PHLDB2: variants seen among roughly 807,000 people sequenced by gnomAD.
PHLDB2 encodes pleckstrin homology-like domain family B member 2.
In PHLDB2, 71 loss-of-function variants were observed where a neutral mutation model predicts 123.6. That is an observed-to-expected ratio of 0.57 (90% CI 0.47 to 0.70). The LOEUF is 0.70. Ranked by LOEUF, PHLDB2 falls within the 30% of genes least tolerant of loss-of-function variation. The pLI is 0.00. For missense variants in PHLDB2, 1,446 were observed against 1,519.5 expected (o/e 0.95, Z 0.80); for synonymous variants, 547 against 541.6 (o/e 1.01, Z -0.14).
In PHLDB2 at chr3:111,932,443, T is replaced by C. The variant is rs73230451; in HGVS notation, c.2130+46T>C. ...CACCAGTTATTTTGCTTTTCGTTTT[T>C]GTTTTTCACTTAAGTGCCACTTACC... On this transcript the variant is annotated intron_variant, in intron 6 of 17. Transcript: ENST00000431670. The C allele has an allele frequency of 3.5e-3, 5,288 of 1,521,238 alleles. 7 individuals are homozygous for C. The highest frequency in any genetic ancestry group is 4.5e-3 in the Non-Finnish European group (5,035 of 1,129,326). 94.2% of individuals were successfully genotyped at this position (1,521,238 alleles called of 1,614,324 possible).
At chr3:111,930,831 G>GTTAGA (rs1365386521) in intron 5 of PHLDB2, among the ~76,000 whole-genome samples, 7 of 152,304 alleles carry the variant, frequency 4.6e-5, no homozygotes, top group African/African-American at 1.7e-4. Flanking sequence ...ACAGAACCAT[G>GTTAGA]TTAGATTGGT....
At chr3:111,759,993 T>C (rs940702647) in intron 1 of PHLDB2, among the ~76,000 whole-genome samples, 25 of 152,386 alleles carry the variant, frequency 1.6e-4, no homozygotes, top group African/African-American at 5.0e-4. Context: ...GTGAAGTTTC[T>C]GTGTCTTCAT....
chr3:111,735,926 TACTC>T (rs1042511332), intron 1 of PHLDB2, among the ~76,000 whole-genome samples: 1 of 152,174 alleles, frequency 6.6e-6, no homozygotes, highest in African/African-American at 2.4e-5. Context: ...CTGGGAAACA[TACTC>T]ACCCAACAGT....
At chr3:111,798,793 T>G (rs184978127) in intron 1 of PHLDB2, among the ~76,000 whole-genome samples, 200 of 152,298 alleles carry the variant, frequency 1.3e-3, no homozygotes, top group African/African-American at 4.4e-3. Flanking sequence ...AAATATATGC[T>G]GAATTTCTAC....
At chr3:111,752,232 G>GTA (rs1309091825) in intron 1 of PHLDB2, among the ~76,000 whole-genome samples, 4 of 143,250 alleles carry the variant, frequency 2.8e-5, no homozygotes, top group Admixed American at 1.4e-4. Flanking sequence ...GTGTGTGTGT[G>GTA]TGTGTGTGTC....
At chr3:111,926,847 A>G (rs182534763) in intron 5 of PHLDB2, among the ~76,000 whole-genome samples, 18 of 152,320 alleles carry the variant, frequency 1.2e-4, no homozygotes, top group Non-Finnish European at 2.4e-4. Flanking sequence ...AGAAATAGTA[A>G]CATGTTTGAT....
intron 2 of PHLDB2, among the ~76,000 whole-genome samples, chr3:111,887,096 A>AT (rs1255751516): frequency 6.6e-6 from 1 of 152,156 alleles, no homozygotes; most frequent in Non-Finnish European, 1.5e-5. Flanking sequence ...AATTCAAGAA[A>AT]TTCATCTCTG....
intron 1 of PHLDB2, among the ~76,000 whole-genome samples, chr3:111,738,945 C>T (rs1049270987): frequency 6.6e-6 from 1 of 152,152 alleles, no homozygotes; most frequent in African/African-American, 2.4e-5. Flanking sequence ...GTGTTTGATT[C>T]TGCTACTACA....
intron 1 of PHLDB2, among the ~76,000 whole-genome samples, chr3:111,796,161 G>T (rs1421098937): frequency 2.0e-5 from 3 of 152,144 alleles, no homozygotes; most frequent in East Asian, 1.9e-4. Flanking sequence ...GCTTCCCAAA[G>T]TGCTGGGATT....
intron 2 of PHLDB2, chr3:111,845,970 A>G (rs2063964462): frequency 6.3e-7 from 1 of 1,594,952 alleles, no homozygotes; most frequent in South Asian, 1.1e-5. Context: ...TTCAGTACAT[A>G]TTTACAAGTT....
intron 10 of PHLDB2, among the ~76,000 whole-genome samples, chr3:111,950,786 C>G (rs550636824): frequency 1.3e-5 from 2 of 152,260 alleles, no homozygotes; most frequent in South Asian, 4.1e-4. Flanking sequence ...AGGACTATAT[C>G]TCTCACTGCC....
At chr3:111,792,772 T>C (rs1017289618) in intron 1 of PHLDB2, among the ~76,000 whole-genome samples, 1 of 152,066 alleles carries the variant, frequency 6.6e-6, no homozygotes, top group Non-Finnish European at 1.5e-5. Context: ...TTCACTTTGG[T>C]TGGTATTTTC....
intron 2 of PHLDB2, chr3:111,911,701 A>T: frequency 2.0e-6 from 3 of 1,536,290 alleles, no homozygotes; most frequent in African/African-American, 2.7e-5. Flanking sequence ...GCTGGAGTCC[A>T]GAAGTTCAGG....
chr3:111,767,642 T>G (rs2060105139), intron 1 of PHLDB2, among the ~76,000 whole-genome samples: 1 of 152,238 alleles, frequency 6.6e-6, no homozygotes, highest in Non-Finnish European at 1.5e-5. Flanking sequence ...TCCTCTGAAG[T>G]ACTTAAAACT....
chr3:111,803,347 C>G (rs2061448969), intron 1 of PHLDB2, among the ~76,000 whole-genome samples: 1 of 152,180 alleles, frequency 6.6e-6, no homozygotes, highest in African/African-American at 2.4e-5. Context: ...TCTCTGCAAT[C>G]CTGAGATTGG....
chr3:111,776,101 C>A (rs764338506), intron 1 of PHLDB2, among the ~76,000 whole-genome samples: 2 of 152,110 alleles, frequency 1.3e-5, no homozygotes, highest in Non-Finnish European at 2.9e-5. Flanking sequence ...GACTGAGAGC[C>A]CCTCATAACT....
chr3:111,854,061 G>C (rs1256804635), intron 2 of PHLDB2, among the ~76,000 whole-genome samples: 2 of 152,174 alleles, frequency 1.3e-5, no homozygotes, highest in East Asian at 3.8e-4. Flanking sequence ...TGCTGGGGAG[G>C]CCTCAGGAAG....
intron 1 of PHLDB2, chr3:111,859,780 G>C (rs1184075430): frequency 2.0e-6 from 2 of 985,456 alleles, no homozygotes; most frequent in Non-Finnish European, 2.4e-6. Flanking sequence ...AGGAGGGGCC[G>C]GCGGGCTCAC....
rs1553726797 is a variant in PHLDB2, at chr3:111,780,399, A to AGAAGAAGAAGAAGAAGAAGAGGAAG, written c.-49+47708_-49+47709insGAAGAAGAGGAAGGAAGAAGAAGAA. ...AAGAAGAAGAAGAAGAAGAAGAAGA[A>AGAAGAAGAAGAAGAAGAAGAGGAAG]GAAGAAGAAGAAAAAGATTAGTTCG... On this transcript the variant is annotated intron_variant, in intron 1 of 17. Coordinates refer to the PHLDB2 transcript ENST00000393923. Among the ~76,000 whole-genome samples, 85 of 74,444 alleles carry AGAAGAAGAAGAAGAAGAAGAGGAAG rather than the reference A, an allele frequency of 1.1e-3. 18 individuals are homozygous for AGAAGAAGAAGAAGAAGAAGAGGAAG. Among genetic ancestry groups the AGAAGAAGAAGAAGAAGAAGAGGAAG allele is most frequent in the Non-Finnish European group, 1.9e-3 (65 of 34,314 alleles). 48.8% of individuals were successfully genotyped at this position (74,444 alleles called of 152,430 possible). A position where few individuals can be genotyped will look rare whatever the true frequency, so the allele number is the denominator to read the frequency against.
Sources: allele counts gnomAD v4.1 joint callset (sites outside exome capture counted in the v4.1 genomes callset), GRCh38; gene constraint gnomAD v4.1.1; transcripts MANE v1.5; gene names NCBI Gene and HGNC (gene_info 2026-07-23, HGNC 2026-07-21).